The following FAM135B variants were observed in gnomAD, a reference collection of about 807,000 sequenced individuals.
The protein encoded by FAM135B is protein FAM135B.
Under a neutral mutation model 127.7 loss-of-function variants are expected in FAM135B, and 43 were observed. The observed-to-expected ratio is 0.34, with a 90% confidence interval of 0.26 to 0.43. FAM135B has a LOEUF of 0.43. Ranked by LOEUF, FAM135B falls within the 20% of genes least tolerant of loss-of-function variation. The pLI is 1.00. For synonymous variants in FAM135B, 670 were observed against 665.1 expected (o/e 1.01, Z -0.11); for missense variants, 1,558 against 1,725.6 (o/e 0.90, Z 1.72).
intron 2 of FAM135B, among the ~76,000 whole-genome samples, chr8:138,327,287 G>A (rs1472618639): frequency 6.6e-6 from 1 of 152,068 alleles, no homozygotes; most frequent in Non-Finnish European, 1.5e-5. Context: ...ATTCTATCTG[G>A]ACAATATTCA....
chr8:138,336,306 A>G (rs1476617874), intron 2 of FAM135B, among the ~76,000 whole-genome samples: 1 of 152,202 alleles, frequency 6.6e-6, no homozygotes. Flanking sequence ...CAAAAAATCA[A>G]TGAATCCAGG....
intron 9 of FAM135B, among the ~76,000 whole-genome samples, chr8:138,192,877 T>C (rs1174482964): frequency 6.6e-5 from 10 of 152,208 alleles, no homozygotes; most frequent in Admixed American, 3.3e-4. Context: ...AATGAACCCA[T>C]TGGGTGGTTG....
At position 138,178,693 on chromosome 8, in the gene FAM135B, G is replaced by A. The variant is rs763231894; in HGVS notation, c.874-3C>T. On this transcript the variant is annotated splice_polypyrimidine_tract_variant and splice_region_variant and intron_variant, in intron 9 of 19. Coordinates refer to ENST00000395297, the MANE Select transcript of FAM135B (RefSeq NM_015912.4). ...ATCTTCTCTGGATTGTTCAACATCT[G>A]GAGAGGCAAAAAAGGTGGTATTCAA... 10 of 1,600,812 alleles carry A rather than the reference G, an allele frequency of 6.2e-6. No individual in the cohort carries two copies. The South Asian group carries it at 1.0e-4, about 16-fold the overall frequency.
Position 138,422,279 on chromosome 8 carries a change from A to T in FAM135B, c.-19-54277T>A, listed in dbSNP as rs1273702059. Among the ~76,000 whole-genome samples the T allele has an allele frequency of 2.0e-5, 3 of 152,202 alleles. No individual in the cohort carries two copies. In the East Asian group the frequency reaches 5.8e-4, roughly 29 times the overall value. ...AACTAAAATAGGCAAGTGGGACCTC[A>T]CTAAACTAAAAAGCTACTGCACAGC... On this transcript the variant is annotated intron_variant, in intron 1 of 19. Coordinates refer to ENST00000395297, the MANE Select transcript of FAM135B (RefSeq NM_015912.4).
intron 7 of FAM135B, among the ~76,000 whole-genome samples, chr8:138,212,102 C>T (rs902147465): frequency 1.3e-5 from 2 of 152,006 alleles, no homozygotes; most frequent in African/African-American, 4.8e-5. Flanking sequence ...ATAATAATAG[C>T]AATTACCTAT....
At chr8:138,346,926 T>C (rs1829453372) in intron 2 of FAM135B, among the ~76,000 whole-genome samples, 1 of 152,212 alleles carries the variant, frequency 6.6e-6, no homozygotes, top group Non-Finnish European at 1.5e-5. Flanking sequence ...TCACATTGTA[T>C]GATAATATGT....
chr8:138,335,991 TG>T (rs1828551346), intron 2 of FAM135B, among the ~76,000 whole-genome samples: 1 of 152,134 alleles, frequency 6.6e-6, no homozygotes, highest in South Asian at 2.1e-4. Context: ...CTGAACAACC[TG>T]CTCCTGAATG....
Position 138,151,750 on chromosome 8 carries a change from T to C in FAM135B, c.2725A>G (p.Lys909Glu), listed in dbSNP as rs1451669569. The C allele has an allele frequency of 1.9e-6, 3 of 1,614,064 alleles. No individual in the cohort carries two copies. Among genetic ancestry groups the C allele is most frequent in the Non-Finnish European group, 2.5e-6 (3 of 1,180,050 alleles). ...GCTTGCTGACCCACATTCAAGTCTT[T>C]AGGCATGCCCTTTGGGGTTTCCTCA... ...ALEETPKGMPKDLNVGQQALS... is the reference protein window; with the variant it reads ...ALEETPKGMPEDLNVGQQALS... Residue 909 changes from lysine (K) to glutamate (E), a missense_variant, in exon 13 of 20, where the codon AAA becomes GAA. Coordinates refer to ENST00000395297, the MANE Select transcript of FAM135B (RefSeq NM_015912.4).
At chr8:138,216,568 T>A (rs943274705) in intron 7 of FAM135B, among the ~76,000 whole-genome samples, 4 of 152,154 alleles carry the variant, frequency 2.6e-5, no homozygotes, top group African/African-American at 7.2e-5. Flanking sequence ...TCCTAAAGAA[T>A]GGCCAAGAGA....
intron 1 of FAM135B, among the ~76,000 whole-genome samples, chr8:138,382,211 A>G (rs1831900628): frequency 6.6e-6 from 1 of 152,192 alleles, no homozygotes; most frequent in Non-Finnish European, 1.5e-5. Context: ...CAAAATGGAA[A>G]ACTAAGTAGG....
At chr8:138,208,486 A>AT (rs1817884818) in intron 7 of FAM135B, among the ~76,000 whole-genome samples, 1 of 152,194 alleles carries the variant, frequency 6.6e-6, no homozygotes, top group Non-Finnish European at 1.5e-5. Flanking sequence ...TTTTATCAGC[A>AT]TTTTTAAAAA....
At chr8:138,477,828 T>C (rs1239931019) in intron 1 of FAM135B, among the ~76,000 whole-genome samples, 1 of 152,214 alleles carries the variant, frequency 6.6e-6, no homozygotes, top group South Asian at 2.1e-4. Flanking sequence ...TGCTGCCATA[T>C]GCTTTTGCCC....
chr8:138,265,403 T>C (rs1314477081), intron 4 of FAM135B, among the ~76,000 whole-genome samples: 1 of 152,128 alleles, frequency 6.6e-6, no homozygotes, highest in Non-Finnish European at 1.5e-5. Flanking sequence ...GCTTGACTCA[T>C]TGACAGAGGG....
intron 12 of FAM135B, among the ~76,000 whole-genome samples, chr8:138,159,176 G>A (rs1172503039): frequency 6.9e-6 from 1 of 145,680 alleles, no homozygotes; most frequent in East Asian, 2.1e-4. Flanking sequence ...GGAGGCTGAG[G>A]CAGGAGAATG....
intron 7 of FAM135B, among the ~76,000 whole-genome samples, chr8:138,211,031 C>T (rs1818101229): frequency 6.6e-6 from 1 of 152,144 alleles, no homozygotes; most frequent in Non-Finnish European, 1.5e-5. Flanking sequence ...GATCCCAGAG[C>T]CATGCTCCTA....
chr8:138,380,920 A>G (rs1831811614), intron 1 of FAM135B, among the ~76,000 whole-genome samples: 1 of 152,114 alleles, frequency 6.6e-6, no homozygotes, highest in Admixed American at 6.5e-5. Context: ...GGAAGCTCAG[A>G]GATCACAGAG....
intron 2 of FAM135B, among the ~76,000 whole-genome samples, chr8:138,341,292 C>A (rs1205705663): frequency 6.6e-6 from 1 of 152,160 alleles, no homozygotes; most frequent in Non-Finnish European, 1.5e-5. Context: ...TGTTGCCAAG[C>A]AAAATAAGCC....
At chr8:138,150,270 G>A (rs1818013351) in intron 13 of FAM135B, among the ~76,000 whole-genome samples, 1 of 152,196 alleles carries the variant, frequency 6.6e-6, no homozygotes, top group African/African-American at 2.4e-5. Flanking sequence ...CAAATCTGGT[G>A]AAGAATTGTA....
At chr8:138,286,401 C>T (rs946429832) in intron 3 of FAM135B, among the ~76,000 whole-genome samples, 5 of 152,204 alleles carry the variant, frequency 3.3e-5, no homozygotes, top group African/African-American at 1.2e-4. Flanking sequence ...TTGGAGAGAG[C>T]TTTTGCTATG....
Sources: allele counts gnomAD v4.1 joint callset (sites outside exome capture counted in the v4.1 genomes callset), GRCh38; gene constraint gnomAD v4.1.1; transcripts MANE v1.5; gene names NCBI Gene and HGNC (gene_info 2026-07-23, HGNC 2026-07-21).